NOS1: variants seen among roughly 807,000 people sequenced by gnomAD.
The protein encoded by NOS1 is nitric oxide synthase 1.
A neutral mutation model predicts 164.5 loss-of-function variants in NOS1; 51 were observed. The ratio of observed to expected loss-of-function variants is 0.31; its 90% CI spans 0.25 to 0.39. The LOEUF is 0.39. Ranked by LOEUF, NOS1 falls within the 10% of genes least tolerant of loss-of-function variation. The probability of loss-of-function intolerance (pLI) is 1.00; values close to 1 mark genes in which losing one functional copy is unlikely to be tolerated. For synonymous variants in NOS1, 719 were observed against 745.8 expected, an observed-to-expected ratio of 0.96 and a Z score of 0.59; for missense variants, 1,362 against 1,885.6, an observed-to-expected ratio of 0.72 and a Z score of 5.14.
intron 2 of NOS1, among the ~76,000 whole-genome samples, chr12:117,321,306 G>A (rs1482531789): frequency 6.6e-6 from 1 of 152,170 alleles, no homozygotes; most frequent in Non-Finnish European, 1.5e-5. Context: ...CACCACACCC[G>A]GCCTATTTAT....
chr12:117,261,157 C>T (rs571436548), intron 13 of NOS1, among the ~76,000 whole-genome samples: 1 of 124,016 alleles, frequency 8.1e-6, no homozygotes, highest in Non-Finnish European at 1.6e-5. Flanking sequence ...CCAGCCTGGG[C>T]GACAGAGTGA....
intron 22 of NOS1, 103 bp from the exon 23 acceptor site, chr12:117,227,744 T>C: frequency 3.8e-6 from 4 of 1,058,142 alleles, no homozygotes; most frequent in Admixed American, 1.9e-5. Flanking sequence ...AAAGTAACAG[T>C]TGGCAGGTGC....
chr12:117,219,982 G>T, intron 27 of NOS1, 93 bp downstream of exon 27: 1 of 1,219,892 alleles, frequency 8.2e-7, no homozygotes, highest in Non-Finnish European at 1.2e-6. Context: ...TATCATCGTG[G>T]CTCCCCTAAT....
intron 16 of NOS1, among the ~76,000 whole-genome samples, chr12:117,256,295 T>C (rs1436329734): frequency 6.7e-6 from 1 of 149,468 alleles, no homozygotes; most frequent in Non-Finnish European, 1.5e-5. Context: ...TTTTTTTTTT[T>C]TGAGACGGAG....
At position 117,330,665 on chromosome 12, in the gene NOS1, C is replaced by G. The variant is rs1273943306; in HGVS notation, c.405G>C (p.Leu135=). 1 of 1,612,880 alleles carries G rather than the reference C, an allele frequency of 6.2e-7. No individual in the cohort carries two copies. The highest frequency in any genetic ancestry group is 1.7e-5 in the Admixed American group (1 of 60,014). ...CTTTGCCGGCCGGTGGCTGGTGGGA[C>G]AGATCCACGGCTTTGGTGGGGGGAC... The part of the protein sequence containing the change: ...PLGPPTKAVD[L]SHQPPAGKEQ... The change falls in exon 2 of 29, where the codon CTG becomes CTC. Residue 135 remains leucine (L), a synonymous_variant. Transcript: ENST00000317775. This position sits in a 1 kb window ranked among gnomAD's most constrained non-coding sequence, Gnocchi z 4.6.
chr12:117,330,855 A>G lies in NOS1; in HGVS notation c.215T>C (p.Leu72Ser). ...DIILAVNGRP[L>S]VDLSYDSALE... is the part of the protein sequence containing the mutation. The stretch of plus-strand genomic sequence containing the variant: ...GGCGCTGTCATAGCTCAGGTCCACC[A>G]AGGGCCGGCCGTTGACCGCAAGAAT... The change falls in exon 2 of 29, where the codon TTG (leucine) becomes TCG (serine). Residue 72 changes from leucine (L) to serine (S), a missense_variant. Leu to Ser is a moderately radical substitution (Grantham distance 145). Transcript: ENST00000317775. The surrounding 1 kb of genome is among the most constrained non-coding windows in gnomAD (Gnocchi z 4.6). 6.2e-7 allele frequency: 1 copy of G among 1,614,054 alleles called. No homozygotes were observed. The highest frequency in any genetic ancestry group is 1.1e-5 in the South Asian group (1 of 91,078).
At chr12:117,235,740 C>G (rs1039471689) in intron 20 of NOS1, among the ~76,000 whole-genome samples, 2 of 152,150 alleles carry the variant, frequency 1.3e-5, no homozygotes, top group East Asian at 1.9e-4. Flanking sequence ...TTATTCTGGT[C>G]CTTTAAAAAG....
Position 117,250,057 on chromosome 12 carries a change from C to T in NOS1, c.2649-2535G>A, listed in dbSNP as rs114247229. On this transcript the variant is annotated intron_variant, in intron 17 of 28. Transcript: ENST00000317775. The stretch of plus-strand genomic sequence containing the variant: ...CTGCCCCTGAATCTCTTTTTTAGGA[C>T]GATGGGGACAAAATGGTAACAGATT... Among the ~76,000 whole-genome samples the T allele has an allele frequency of 5.7e-3, 871 of 151,852 alleles. 5 individuals carry two copies. Among genetic ancestry groups the T allele is most frequent in the African/African-American group, 0.02 (812 of 41,384 alleles).
chr12:117,263,796 G>C, intron 13 of NOS1, 93 bp downstream of exon 13: 1 of 918,234 alleles, frequency 1.1e-6, no homozygotes, highest in Non-Finnish European at 1.8e-6. Flanking sequence ...CTGTAGAGAG[G>C]TCAGAGGGCA....
At chr12:117,226,302 A>AT (rs1868667794) in intron 24 of NOS1, among the ~76,000 whole-genome samples, 1 of 152,008 alleles carries the variant, frequency 6.6e-6, no homozygotes, top group Non-Finnish European at 1.5e-5. Flanking sequence ...GGGTGATTGG[A>AT]TTTTTTCCAT....
At position 117,218,956 on chromosome 12, in the gene NOS1, G is replaced by A. The variant is rs1290266217; in HGVS notation, c.4171-792C>T. ...TCCAGCCTCCCCATCTGTAGAGTGG[G>A]TTCATTTTCAGTTGGGGTTAGTTGT... On this transcript the variant is annotated intron_variant, in intron 27 of 28. Transcript: ENST00000317775. Among the ~76,000 whole-genome samples the A allele has an allele frequency of 2.0e-5, 3 of 151,642 alleles. No individual in the cohort carries two copies. The East Asian group carries it at 5.8e-4, about 29-fold the overall frequency.
intron 21 of NOS1, among the ~76,000 whole-genome samples, chr12:117,232,762 G>C (rs9658487): frequency 1.8e-4 from 28 of 152,142 alleles, no homozygotes; most frequent in African/African-American, 6.7e-4. Context: ...CATCCAATAC[G>C]TCCCTAAATA....
chr12:117,305,346 C>T (rs747416920), intron 3 of NOS1, among the ~76,000 whole-genome samples: 24 of 152,044 alleles, frequency 1.6e-4, no homozygotes, highest in Non-Finnish European at 3.5e-4. Flanking sequence ...CGCCTGTAGT[C>T]CCAGCTACTC....
intron 10 of NOS1, among the ~76,000 whole-genome samples, chr12:117,270,125 G>A (rs956905587): frequency 6.6e-6 from 1 of 152,248 alleles, no homozygotes; most frequent in East Asian, 1.9e-4. Flanking sequence ...GGCAGAAGCA[G>A]GAGCTGGTGT....
At chr12:117,269,644 T>C (rs933664640) in intron 10 of NOS1, among the ~76,000 whole-genome samples, 2 of 151,882 alleles carry the variant, frequency 1.3e-5, no homozygotes, top group Non-Finnish European at 2.9e-5. Flanking sequence ...AGTTTTGTAA[T>C]TTTAGTAGAG....
chr12:117,336,104 T>G (rs1307621248), intron 1 of NOS1, among the ~76,000 whole-genome samples: 1 of 152,106 alleles, frequency 6.6e-6, no homozygotes, highest in Non-Finnish European at 1.5e-5. Context: ...AAGTGAGTGG[T>G]CAATCACAGT....
intron 17 of NOS1, among the ~76,000 whole-genome samples, chr12:117,248,711 C>T (rs1870852208): frequency 6.6e-6 from 1 of 152,054 alleles, no homozygotes; most frequent in Non-Finnish European, 1.5e-5. Context: ...GGTATATACC[C>T]AGTAATGGGA....
rs767300270 is a variant in NOS1, at chr12:117,286,274, A to G, written c.1128-8T>C. Reference sequence around the variant, plus strand: ...TGGGCTTTGGAGCCAAATCTGAGTGAAGAGGAAGGGACATGGGAACATCAC... The same window carrying G: ...TGGGCTTTGGAGCCAAATCTGAGTGGAGAGGAAGGGACATGGGAACATCAC... On this transcript the variant is annotated splice_polypyrimidine_tract_variant and splice_region_variant and intron_variant, in intron 5 of 28. Coordinates refer to ENST00000317775, the MANE Select transcript of NOS1 (RefSeq NM_000620.5). 1 of 1,613,976 alleles carries G rather than the reference A, an allele frequency of 6.2e-7. No homozygotes were observed. The highest frequency in any genetic ancestry group is 1.3e-5 in the African/African-American group (1 of 74,908).
chr12:117,267,310 C>A (rs1477172225), intron 11 of NOS1, among the ~76,000 whole-genome samples: 1 of 152,132 alleles, frequency 6.6e-6, no homozygotes, highest in East Asian at 1.9e-4. Flanking sequence ...GTTGTGGTGG[C>A]CAGGCGTGAT....
Sources: gnomAD v4.1 joint callset for allele counts (sites outside exome capture counted in the v4.1 genomes callset) on GRCh38, gnomAD v4.1.1 for gene constraint, Gnocchi (gnomAD v3.1) non-coding constraint, MANE v1.5 for transcripts, NCBI Gene and HGNC (gene_info 2026-07-23, HGNC 2026-07-21) for gene names.